Variants in TANK observed in about 807,000 individuals in gnomAD.
TANK encodes the protein TRAF family member-associated NF-kappa-B activator.
Under a neutral mutation model 43.6 loss-of-function variants are expected in TANK, and 15 were observed. The observed-to-expected ratio is 0.34, with a 90% confidence interval of 0.23 to 0.53. The LOEUF (loss-of-function observed/expected upper bound fraction) is 0.53. Ranked by LOEUF, TANK falls within the 20% of genes least tolerant of loss-of-function variation. TANK has a pLI of 0.94. For synonymous variants in TANK, 162 were observed against 178.2 expected (o/e 0.91, Z 0.73); for missense variants, 417 against 498.6 (o/e 0.84, Z 1.56).
intron 1 of TANK, among the ~76,000 whole-genome samples, chr2:161,168,165 T>TA (rs1684777434): frequency 6.6e-6 from 1 of 152,300 alleles, no homozygotes; most frequent in South Asian, 2.1e-4. Context: ...GTCACACACT[T>TA]ACATTTCAGT....
chr2:161,157,479 G>C (rs1240656699), upstream of TANK, among the ~76,000 whole-genome samples: 2 of 152,288 alleles, frequency 1.3e-5, no homozygotes, highest in Non-Finnish European at 2.9e-5. Context: ...TTTAGTTGGA[G>C]AGTCTGCAAT....
At chr2:161,206,723 A>G (rs1410493390) in intron 4 of TANK, among the ~76,000 whole-genome samples, 1 of 152,140 alleles carries the variant, frequency 6.6e-6, no homozygotes, top group East Asian at 1.9e-4. Flanking sequence ...AGAAACAATG[A>G]TTCTGACTTT....
chr2:161,169,696 G>C (rs1684857108), intron 1 of TANK, among the ~76,000 whole-genome samples: 1 of 152,192 alleles, frequency 6.6e-6, no homozygotes, highest in Non-Finnish European at 1.5e-5. Context: ...AACTCATTAA[G>C]ATATAGGTAC....
At chr2:161,168,093 A>G (rs1374758072) in intron 1 of TANK, among the ~76,000 whole-genome samples, 1 of 152,194 alleles carries the variant, frequency 6.6e-6, no homozygotes, top group Admixed American at 6.5e-5. Flanking sequence ...GCTACTTGGC[A>G]TCACATAGTA....
chr2:161,178,942 C>A (rs988228333), intron 1 of TANK, among the ~76,000 whole-genome samples: 4 of 152,100 alleles, frequency 2.6e-5, no homozygotes, highest in African/African-American at 9.7e-5. Context: ...AGATGTTATG[C>A]AGACTGAGGT....
At chr2:161,170,456 T>A (rs956095208) in intron 1 of TANK, among the ~76,000 whole-genome samples, 4 of 152,182 alleles carry the variant, frequency 2.6e-5, no homozygotes, top group Non-Finnish European at 5.9e-5. Context: ...TCTATATACT[T>A]CTTGTAGAAT....
At chr2:161,211,979 T>A in intron 4 of TANK, 1 of 947,636 alleles carries the variant, frequency 1.1e-6, no homozygotes, top group Non-Finnish European at 1.3e-6. Context: ...TCTGGTAGAA[T>A]GTTAATTAGA....
chr2:161,228,203 C>T (rs920489071), intron 6 of TANK, among the ~76,000 whole-genome samples: 1 of 152,158 alleles, frequency 6.6e-6, no homozygotes. Flanking sequence ...ATTGCATATA[C>T]AATGATGGCC....
At chr2:161,161,595 T>C in intron 1 of TANK, 1 of 1,088,452 alleles carries the variant, frequency 9.2e-7, no homozygotes, top group East Asian at 2.6e-5. Flanking sequence ...GTTATTTTGC[T>C]TTCTTATGAA....
intron 1 of TANK, among the ~76,000 whole-genome samples, chr2:161,142,335 G>A (rs1448948225): frequency 6.6e-6 from 1 of 151,952 alleles, no homozygotes; most frequent in East Asian, 1.9e-4. Flanking sequence ...AATTAGATCT[G>A]ATTTGTCAAT....
intron 2 of TANK, among the ~76,000 whole-genome samples, chr2:161,190,179 A>G (rs983859638): frequency 3.9e-5 from 6 of 152,216 alleles, no homozygotes; most frequent in Admixed American, 6.5e-5. Context: ...GATTTCTCCA[A>G]GAAGTTATAC....
intron 1 of TANK, among the ~76,000 whole-genome samples, chr2:161,168,327 TA>T (rs1218511373): frequency 6.6e-6 from 1 of 152,122 alleles, no homozygotes; most frequent in Non-Finnish European, 1.5e-5. Context: ...AAAACCCAGA[TA>T]GTAGAAGTCC....
chr2:161,194,688 T>C (rs1215495658), intron 2 of TANK, among the ~76,000 whole-genome samples: 1 of 152,184 alleles, frequency 6.6e-6, no homozygotes, highest in East Asian at 1.9e-4. Context: ...AATGTAAACC[T>C]TTAGCCTAAG....
chr2:161,204,231 G>A (rs1351639338), intron 3 of TANK, among the ~76,000 whole-genome samples: 1 of 152,082 alleles, frequency 6.6e-6, no homozygotes, highest in African/African-American at 2.4e-5. Context: ...ATATTAACTG[G>A]AATAATTCAC....
chr2:161,212,602 TTG>T, intron 4 of TANK: 1 of 985,412 alleles, frequency 1.0e-6, no homozygotes, highest in Non-Finnish European at 1.2e-6. Context: ...ACCTTCTAAA[TTG>T]TCTTTCCTAA....
chr2:161,228,424 G>A (rs746332825), intron 6 of TANK, among the ~76,000 whole-genome samples: 2 of 152,132 alleles, frequency 1.3e-5, no homozygotes, highest in African/African-American at 4.8e-5. Context: ...CCAGCTACTC[G>A]GGAGGCTGAG....
At chr2:161,213,534 T>C (rs1230742923) in intron 4 of TANK, among the ~76,000 whole-genome samples, 2 of 147,238 alleles carry the variant, frequency 1.4e-5, no homozygotes, top group Non-Finnish European at 3.0e-5. Flanking sequence ...ACCTAGGAGA[T>C]GGAGGTTGCA....
chr2:161,184,074 TAAAA>T (rs1425447445), intron 2 of TANK, among the ~76,000 whole-genome samples: 1 of 151,690 alleles, frequency 6.6e-6, no homozygotes, highest in Non-Finnish European at 1.5e-5. Context: ...CACTATATAT[TAAAA>T]AAAACTCAGA....
intron 7 of TANK, chr2:161,232,942 T>G (rs1009091779): frequency 7.7e-7 from 1 of 1,299,282 alleles, no homozygotes; most frequent in Admixed American, 2.5e-5. Context: ...GAAATTAGTT[T>G]GTTTTGAAGA....
Sources: allele counts gnomAD v4.1 joint callset (sites outside exome capture counted in the v4.1 genomes callset), GRCh38; gene constraint gnomAD v4.1.1; transcripts MANE v1.5; gene names NCBI Gene and HGNC (gene_info 2026-07-23, HGNC 2026-07-21).